Variants in EPN1 observed in about 807,000 individuals in gnomAD.
EPN1 encodes epsin-1.
A neutral mutation model predicts 56.9 loss-of-function variants in EPN1; 25 were observed. The observed-to-expected ratio is 0.44, with a 90% CI of 0.32 to 0.61. The LOEUF is 0.61. Ranked by LOEUF, EPN1 falls within the 20% of genes least tolerant of loss-of-function variation. The pLI, the probability that EPN1 is intolerant of heterozygous loss-of-function variation, is 0.05. For missense variants in EPN1, 785 were observed against 823.7 expected (o/e 0.95, Z 0.58); for synonymous variants, 411 against 361.8 (o/e 1.14, Z -1.54).
rs942103801 is a variant in EPN1 at position 55,698,445 on chromosome 19, G to A, written c.*3089G>A. 1.3e-5 allele frequency: 2 copies of A among 152,338 alleles called. No individual in the cohort carries two copies. The highest frequency in any genetic ancestry group is 4.8e-5 in the African/African-American group (2 of 41,430). The allele number at this position is 152,338 out of a possible 1,614,324, so 9.4% of individuals were successfully genotyped here. ...AGGCACTTGAGGGAACCTTCCTGGA[G>A]CCCGTAGGAGCTTCATCCGAGCTCC... On this transcript the variant is annotated 3_prime_UTR_variant, in exon 11 of 11. Transcript: ENST00000270460.
intron 6 of EPN1, 97 bp downstream of exon 6, chr19:55,690,047 AAC>A: frequency 3.4e-6 from 4 of 1,186,248 alleles, no homozygotes; most frequent in Middle Eastern, 2.1e-4. Context: ...CAGAGACTGA[AAC>A]ACAAGGTCCT....
intron 6 of EPN1, 59 bp downstream of exon 6, chr19:55,690,009 T>A: frequency 6.8e-7 from 1 of 1,466,056 alleles, no homozygotes; most frequent in East Asian, 2.4e-5. Context: ...GTCCCATCGC[T>A]CATTCCTGCG....
At chr19:55,679,529 G>A (rs891481806) in intron 2 of EPN1, among the ~76,000 whole-genome samples, 21 of 152,128 alleles carry the variant, frequency 1.4e-4, no homozygotes, top group African/African-American at 4.1e-4. Flanking sequence ...CGGTCCCGTC[G>A]GCAAGCATCT....
rs1835054158 is a variant in EPN1 at position 55,701,368 on chromosome 19, G to C, written c.*6012G>C. 1 of 151,104 alleles carries C rather than the reference G, an allele frequency of 6.6e-6. No homozygotes were observed. The highest frequency in any genetic ancestry group is 6.6e-5 in the Admixed American group (1 of 15,160). The allele number at this position is 151,104 out of a possible 1,614,324, so 9.4% of individuals were successfully genotyped here. A position where few individuals can be genotyped will look rare whatever the true frequency, so the allele number is the denominator to read the frequency against. On this transcript the variant is annotated 3_prime_UTR_variant, in exon 11 of 11. Transcript: ENST00000270460. ...GGAGGCTGAGGCAGGAGAATCGCTTGAACCCAGGAGGCGGAGGTTGTAGTG... is the reference window on the plus strand; with the variant it reads ...GGAGGCTGAGGCAGGAGAATCGCTTCAACCCAGGAGGCGGAGGTTGTAGTG...
Position 55,689,046 on chromosome 19 carries a change from A to T in EPN1, c.603+52A>T. The T allele has an allele frequency of 6.5e-7, 1 of 1,530,774 alleles. No individual in the cohort carries two copies. The highest frequency in any genetic ancestry group is 8.8e-7 in the Non-Finnish European group (1 of 1,142,370). The allele number at this position is 1,530,774 out of a possible 1,614,324, so 94.8% of individuals were successfully genotyped here. A position where few individuals can be genotyped will look rare whatever the true frequency, so the allele number is the denominator to read the frequency against. On this transcript the variant is annotated intron_variant, in intron 4 of 10. Transcript: ENST00000270460. The surrounding 1 kb of genome is among the most constrained non-coding windows in gnomAD (Gnocchi z 5.7). Reference sequence around the variant, plus strand: ...TGTCCGCCACCCGCCTCCACGCCTCACTTCAGGCTCCCTCCCAGCCAGGCG... The same window carrying T: ...TGTCCGCCACCCGCCTCCACGCCTCTCTTCAGGCTCCCTCCCAGCCAGGCG...
rs183769654 is a variant in EPN1 at position 55,696,357 on chromosome 19, C to T, written c.*1001C>T. The T allele has an allele frequency of 2.0e-5, 3 of 152,508 alleles. No individual in the cohort carries two copies. The highest frequency in any genetic ancestry group is 7.2e-5 in the African/African-American group (3 of 41,542). The allele number at this position is 152,508 out of a possible 1,614,324, so 9.4% of individuals were successfully genotyped here. On this transcript the variant is annotated 3_prime_UTR_variant, in exon 11 of 11. Transcript: ENST00000270460. The stretch of plus-strand genomic sequence containing the variant: ...TGTGAGGGGGGTGTTGCTGTCATCT[C>T]CAGGGCTAGGTGACAGCTTGTTGCA...
rs1209433577 is a variant in EPN1, at chr19:55,708,894, ACTT to A, written c.*13540_*13542del. 5 of 1,519,482 alleles carry A rather than the reference ACTT, an allele frequency of 3.3e-6. No homozygotes were observed. The highest frequency in any genetic ancestry group is 4.4e-6 in the Non-Finnish European group (5 of 1,140,754). 94.1% of individuals were successfully genotyped at this position (1,519,482 alleles called of 1,614,324 possible). On this transcript the variant is annotated 3_prime_UTR_variant, in exon 11 of 11. Coordinates refer to ENST00000270460, the MANE Select transcript of EPN1 (RefSeq NM_001130072.2). ...CAAGGAAAGCCTTTGTGAGACGACTACTTCAGGGTGTTCCCCATCAGAGGAGCA... is the reference window on the plus strand; with the variant it reads ...CAAGGAAAGCCTTTGTGAGACGACTACAGGGTGTTCCCCATCAGAGGAGCA...
rs1568587409 is a variant in EPN1, at chr19:55,705,799, T to TA, written c.*10443_*10444insA. On this transcript the variant is annotated 3_prime_UTR_variant, in exon 11 of 11. Coordinates refer to ENST00000270460, the MANE Select transcript of EPN1 (RefSeq NM_001130072.2). Reference sequence around the variant, plus strand: ...ACTGACATTGTGGCTGGAATATTTGTTGTTGTGGGATATATATATATATAT... The same window carrying TA: ...ACTGACATTGTGGCTGGAATATTTGTATGTTGTGGGATATATATATATATAT... The TA allele has an allele frequency of 3.6e-5, 3 of 83,688 alleles. No individual in the cohort carries two copies. Among genetic ancestry groups the TA allele is most frequent in the African/African-American group, 2.0e-4 (3 of 15,330 alleles). 5.2% of individuals were successfully genotyped at this position (83,688 alleles called of 1,614,324 possible).
At chr19:55,683,026 A>G (rs909391178) in intron 2 of EPN1, among the ~76,000 whole-genome samples, 5 of 151,078 alleles carry the variant, frequency 3.3e-5, no homozygotes, top group Non-Finnish European at 5.9e-5. Context: ...AAGTGCTGGG[A>G]TTACAGGTGT....
rs951274191 is a variant in EPN1 at position 55,707,699 on chromosome 19, C to A, written c.*12343C>A. On this transcript the variant is annotated 3_prime_UTR_variant, in exon 11 of 11. Transcript: ENST00000270460. ...TTCTGTTCTTCCATAATATCTTTCCCATCTTGACTGAGCATCAAATGAGGC... is the reference window on the plus strand; with the variant it reads ...TTCTGTTCTTCCATAATATCTTTCCAATCTTGACTGAGCATCAAATGAGGC... 1 of 154,634 alleles carries A rather than the reference C, an allele frequency of 6.5e-6. No individual in the cohort carries two copies. Among genetic ancestry groups the A allele is most frequent in the African/African-American group, 2.4e-5 (1 of 41,544 alleles). The allele number at this position is 154,634 out of a possible 1,614,324, so 9.6% of individuals were successfully genotyped here.
In EPN1 at chr19:55,678,602, G is replaced by A; in HGVS notation, c.-26G>A. The A allele has an allele frequency of 6.3e-7, 1 of 1,588,802 alleles. No individual in the cohort carries two copies. On this transcript the variant is annotated 5_prime_UTR_variant, in exon 2 of 11. Transcript: ENST00000270460. ...ATCTCTCCACGCATCGGGGCCCTGT[G>A]CCCCTTGCTGCTGCAGCCGGGCACC...
rs889979487 is a variant in EPN1, at chr19:55,702,673, C to T, written c.*7317C>T. On this transcript the variant is annotated 3_prime_UTR_variant, in exon 11 of 11. Coordinates refer to ENST00000270460, the MANE Select transcript of EPN1 (RefSeq NM_001130072.2). The stretch of plus-strand genomic sequence containing the variant: ...GTTAGGAAGTTTTTTGCTGGGGACT[C>T]TCTTCGCCCTATCTACCTAAATGAT... The T allele has an allele frequency of 1.3e-5, 2 of 152,218 alleles. No homozygotes were observed. Among genetic ancestry groups the T allele is most frequent in the Admixed American group, 1.3e-4 (2 of 15,282 alleles). 9.4% of individuals were successfully genotyped at this position (152,218 alleles called of 1,614,324 possible).
At chr19:55,687,505 G>A (rs745904041) in intron 3 of EPN1, among the ~76,000 whole-genome samples, 3 of 152,128 alleles carry the variant, frequency 2.0e-5, no homozygotes, top group Non-Finnish European at 4.4e-5. Context: ...GGGGGGTTAG[G>A]GGCATGTGCA....
In EPN1 at chr19:55,694,396, GC is replaced by G. The variant is rs576517340; in HGVS notation, c.1265-325del. 138 of 275,734 alleles carry G rather than the reference GC, an allele frequency of 5.0e-4. No homozygotes were observed. The highest frequency in any genetic ancestry group is 2.5e-3 in the African/African-American group (115 of 45,690). The allele number at this position is 275,734 out of a possible 1,614,324, so 17.1% of individuals were successfully genotyped here. A position where few individuals can be genotyped will look rare whatever the true frequency, so the allele number is the denominator to read the frequency against. Reference sequence around the variant, plus strand: ...TGAGCCTGGAGGCACCTGTGAACACGCCCCCGCTGCCTTCCCCCGCGGGCCT... The same window carrying G: ...TGAGCCTGGAGGCACCTGTGAACACGCCCCGCTGCCTTCCCCCGCGGGCCT... On this transcript the variant is annotated intron_variant, in intron 9 of 10. Coordinates refer to ENST00000270460, the MANE Select transcript of EPN1 (RefSeq NM_001130072.2). This position sits in a 1 kb window ranked among gnomAD's most constrained non-coding sequence, Gnocchi z 4.2.
chr19:55,687,814 C>G (rs1198722046), intron 3 of EPN1, among the ~76,000 whole-genome samples: 1 of 152,212 alleles, frequency 6.6e-6, no homozygotes, highest in African/African-American at 2.4e-5. Context: ...CTGGAGCATC[C>G]CATGCACCCA....
rs1347677454 is a variant in EPN1 at position 55,694,682 on chromosome 19, A to C, written c.1265-44A>C. The C allele has an allele frequency of 6.6e-7, 1 of 1,515,710 alleles. No individual in the cohort carries two copies. The highest frequency in any genetic ancestry group is 8.8e-7 in the Non-Finnish European group (1 of 1,133,876). The allele number at this position is 1,515,710 out of a possible 1,614,324, so 93.9% of individuals were successfully genotyped here. A position where few individuals can be genotyped will look rare whatever the true frequency, so the allele number is the denominator to read the frequency against. On this transcript the variant is annotated intron_variant, in intron 9 of 10. Coordinates refer to ENST00000270460, the MANE Select transcript of EPN1 (RefSeq NM_001130072.2). The surrounding 1 kb of genome is among the most constrained non-coding windows in gnomAD (Gnocchi z 4.2). ...TATACTGCTCCCGGGTTGGAGCCTC[A>C]CTGCTGTCTGCCCTGTCTGAGCCCC...
At chr19:55,676,298 C>T (rs535552675) in intron 1 of EPN1, among the ~76,000 whole-genome samples, 22 of 151,598 alleles carry the variant, frequency 1.5e-4, no homozygotes, top group Non-Finnish European at 1.6e-4. Context: ...TGGAGTACTC[C>T]TTGGAGAACT....
chr19:55,689,728 C>A lies in EPN1; in HGVS notation c.679-139C>A. On this transcript the variant is annotated intron_variant, in intron 5 of 10. Coordinates refer to ENST00000270460, the MANE Select transcript of EPN1 (RefSeq NM_001130072.2). This position sits in a 1 kb window ranked among gnomAD's most constrained non-coding sequence, Gnocchi z 5.7. ...TGACCCAGGTGCCCCATCCCCATTT[C>A]ATACATTGTCCGCATCCCATCGAAT... 2.5e-6 allele frequency: 2 copies of A among 807,898 alleles called. No individual in the cohort carries two copies. Among genetic ancestry groups the A allele is most frequent in the Admixed American group, 2.0e-5 (1 of 49,306 alleles). The allele number at this position is 807,898 out of a possible 1,614,324, so 50.0% of individuals were successfully genotyped here.
Position 55,709,103 on chromosome 19 carries a change from C to T in EPN1, c.*13747C>T, listed in dbSNP as rs1987588702. 2 of 1,262,760 alleles carry T rather than the reference C, an allele frequency of 1.6e-6. No individual in the cohort carries two copies. Among genetic ancestry groups the T allele is most frequent in the African/African-American group, 3.1e-5 (2 of 64,068 alleles). 78.2% of individuals were successfully genotyped at this position (1,262,760 alleles called of 1,614,324 possible). A position where few individuals can be genotyped will look rare whatever the true frequency, so the allele number is the denominator to read the frequency against. ...TTTTCATTTTTACACAGTATTGCCT[C>T]TCTACATTCTGATGTCTACCTCTCC... is the stretch of plus-strand genomic sequence containing the variant. On this transcript the variant is annotated 3_prime_UTR_variant, in exon 11 of 11. Transcript: ENST00000270460.
Sources: allele counts gnomAD v4.1 joint callset (sites outside exome capture counted in the v4.1 genomes callset), GRCh38; gene constraint gnomAD v4.1.1; non-coding constraint Gnocchi (gnomAD v3.1); transcripts MANE v1.5; gene names NCBI Gene and HGNC (gene_info 2026-07-23, HGNC 2026-07-21).